Variants in ZMYM6 observed in about 807,000 individuals in gnomAD.
ZMYM6 encodes zinc finger MYM-type containing 6, also known as zinc finger MYM-type protein 6.
In ZMYM6, 90 loss-of-function variants were observed where a neutral mutation model predicts 134.0. The observed-to-expected ratio is 0.67, with a 90% CI of 0.57 to 0.80. The LOEUF (loss-of-function observed/expected upper bound fraction) is 0.80, where lower values mean the gene tolerates loss of function less well. ZMYM6 is among the 30% of genes least tolerant of loss of function. ZMYM6 has a pLI of 0.00. For synonymous variants in ZMYM6, 481 were observed against 524.1 expected, an observed-to-expected ratio of 0.92 and a Z score of 1.12; for missense variants, 1,362 against 1,533.9, an observed-to-expected ratio of 0.89 and a Z score of 1.87.
intron 12 of ZMYM6, among the ~76,000 whole-genome samples, chr1:35,006,474 T>C (rs778774627): frequency 7.9e-5 from 12 of 152,222 alleles, no homozygotes; most frequent in Admixed American, 5.2e-4. Context: ...CATGAAGAAC[T>C]GTTCCATTTT....
At chr1:35,005,888 C>G (rs1276950068) in intron 12 of ZMYM6, among the ~76,000 whole-genome samples, 6 of 152,170 alleles carry the variant, frequency 3.9e-5, no homozygotes, top group African/African-American at 1.4e-4. Context: ...TAGCACAAGG[C>G]ATTTATAATT....
Position 35,019,565 on chromosome 1 carries a change from T to G in ZMYM6, c.216A>C (p.Ala72=). Residue 72 remains alanine (A), a synonymous_variant, in exon 4 of 16, where the codon GCA becomes GCC. Coordinates refer to ENST00000357182, the MANE Select transcript of ZMYM6 (RefSeq NM_007167.4). The part of the protein sequence containing the change: ...QLNPGFQLSF[A]SSGPSVLLPS... ...GAAGCAACACACTTGGGCCAGATGA[T>G]GCAAAAGAAAGCTGAAAGCCTGGGT... The G allele has an allele frequency of 1.2e-6, 2 of 1,603,850 alleles. No homozygotes were observed. The highest frequency in any genetic ancestry group is 1.7e-6 in the Non-Finnish European group (2 of 1,177,590).
At chr1:35,016,914 A>T (rs1369094547) in intron 4 of ZMYM6, among the ~76,000 whole-genome samples, 1 of 150,774 alleles carries the variant, frequency 6.6e-6, no homozygotes. Flanking sequence ...CTGAGGTGGG[A>T]GGATTGCTTG....
chr1:34,987,970 T>C lies in ZMYM6; in HGVS notation c.3112A>G (p.Ser1038Gly), dbSNP rs1640602846. ...TTTAATGCATTGCTCTTTATAAAAC[T>C]TAAAATTTGTGCTGACTGCAAAAGA... ...KILLQSAQIL[S>G]FIKSNALNSR... Residue 1038 changes from serine (S) to glycine (G), a missense_variant, in exon 16 of 16, where the codon AGT becomes GGT. Physicochemically the swap from Ser to Gly is moderately conservative, Grantham distance 56 (BLOSUM62 0). Around this residue, in one of 3 missense-constraint regions of ZMYM6, gnomAD observed 824 missense variants for 940.9 expected, o/e 0.88. Transcript: ENST00000357182. The C allele has an allele frequency of 1.9e-6, 3 of 1,551,512 alleles. No homozygotes were observed. Among genetic ancestry groups the C allele is most frequent in the Non-Finnish European group, 2.6e-6 (3 of 1,146,934 alleles).
intron 15 of ZMYM6, chr1:34,990,257 C>T (rs1205902576): frequency 1.1e-5 from 3 of 265,860 alleles, no homozygotes; most frequent in Admixed American, 5.9e-5. Context: ...GAGGCGGGCA[C>T]ATCATGAGGT....
At position 35,012,426 on chromosome 1, in the gene ZMYM6, A is replaced by G; in HGVS notation, c.946+5T>C. On this transcript the variant is annotated splice_donor_5th_base_variant and intron_variant, in intron 7 of 15. Transcript: ENST00000357182. ...ATCTATAAATTTATCAAATTTAAAC[A>G]TTACCTGAAGAAGTAACAGTCTTAA... 1 of 1,514,254 alleles carries G rather than the reference A, an allele frequency of 6.6e-7. No individual in the cohort carries two copies. Among genetic ancestry groups the G allele is most frequent in the East Asian group, 2.4e-5 (1 of 42,026 alleles). 93.8% of individuals were successfully genotyped at this position (1,514,254 alleles called of 1,614,324 possible).
rs200029753 is a variant in ZMYM6, at chr1:35,028,317, C to CAA, written c.93+2228_93+2229dup. On this transcript the variant is annotated intron_variant, in intron 2 of 15. Transcript: ENST00000357182. ...GGAGTGACAGAGCAAGACTCCATCT[C>CAA]AAAAAAAAAAAAGGAATGATACTGC... Among the ~76,000 whole-genome samples the CAA allele has an allele frequency of 1.0e-3, 110 of 107,060 alleles. 1 individual carries two copies. Among genetic ancestry groups the CAA allele is most frequent in the South Asian group, 2.8e-3 (10 of 3,580 alleles). The allele number at this position is 107,060 out of a possible 152,430, so 70.2% of individuals were successfully genotyped here. A position where few individuals can be genotyped will look rare whatever the true frequency, so the allele number is the denominator to read the frequency against.
At chr1:35,014,473 T>G (rs1641146249) in intron 6 of ZMYM6, among the ~76,000 whole-genome samples, 1 of 152,138 alleles carries the variant, frequency 6.6e-6, no homozygotes, top group African/African-American at 2.4e-5. Flanking sequence ...ATTTGTAAAT[T>G]CTTAGCTATG....
At chr1:35,030,319 C>T (rs1489359365) in intron 2 of ZMYM6, 2 of 496,434 alleles carry the variant, frequency 4.0e-6, no homozygotes, top group Non-Finnish European at 7.0e-6. Flanking sequence ...GTGGTCCCAG[C>T]TACACAGGAG....
Position 34,992,747 on chromosome 1 carries a change from T to A in ZMYM6, c.1993-360A>T, listed in dbSNP as rs994670697. Among the ~76,000 whole-genome samples the A allele has an allele frequency of 9.2e-4, 128 of 139,706 alleles. 5 individuals carry two copies. The highest frequency in any genetic ancestry group is 3.2e-3 in the African/African-American group (113 of 35,774). The allele number at this position is 139,706 out of a possible 152,430, so 91.7% of individuals were successfully genotyped here. A position where few individuals can be genotyped will look rare whatever the true frequency, so the allele number is the denominator to read the frequency against. ...TAAAAATATACTTATAAACTATAAA[T>A]ATAAAAATATACTTATAAACTATAA... is the stretch of plus-strand genomic sequence containing the variant. On this transcript the variant is annotated intron_variant, in intron 14 of 15. Transcript: ENST00000357182.
Position 34,987,863 on chromosome 1 carries a change from T to C in ZMYM6, c.3219A>G (p.Ile1073Met), listed in dbSNP as rs1640601433. The C allele has an allele frequency of 6.4e-7, 1 of 1,551,314 alleles. No homozygotes were observed. Among genetic ancestry groups the C allele is most frequent in the Non-Finnish European group, 8.7e-7 (1 of 1,146,910 alleles). Residue 1073 changes from isoleucine (I) to methionine (M), a missense_variant, in exon 16 of 16, where the codon ATA becomes ATG. Physicochemically the swap from Ile to Met is conservative, Grantham distance 10. Transcript: ENST00000357182. Reference sequence around the variant, plus strand: ...ATCTTTTTAACATTCTCCCTCTTGATATCCAACGTACTTCAGCATGAAGCG... The same window carrying C: ...ATCTTTTTAACATTCTCCCTCTTGACATCCAACGTACTTCAGCATGAAGCG... ...SLPLHAEVRW[I>M]SRGRMLKRLF...
At chr1:34,988,969 A>G in intron 15 of ZMYM6, 34 bp from the exon 16 acceptor site, 1 of 1,588,800 alleles carries the variant, frequency 6.3e-7, no homozygotes, top group Non-Finnish European at 8.5e-7. Flanking sequence ...GTTATTTTCA[A>G]GAACAAATAA....
chr1:35,007,365 C>T (rs1456139551), intron 11 of ZMYM6, among the ~76,000 whole-genome samples: 3 of 151,802 alleles, frequency 2.0e-5, no homozygotes, highest in Non-Finnish European at 2.9e-5. Context: ...CCGAGGTGGG[C>T]GGATCATGAG....
intron 2 of ZMYM6, among the ~76,000 whole-genome samples, chr1:35,028,310 T>C (rs1375342853): frequency 7.1e-5 from 10 of 141,752 alleles, no homozygotes; most frequent in Non-Finnish European, 1.2e-4. Flanking sequence ...AGAGCAAGAC[T>C]CCATCTCAAA....
chr1:35,027,028 C>G (rs1224561616), intron 2 of ZMYM6, among the ~76,000 whole-genome samples: 1 of 152,030 alleles, frequency 6.6e-6, no homozygotes, highest in Non-Finnish European at 1.5e-5. Context: ...AGAGAGAGAA[C>G]AGCTCATTCT....
At chr1:34,989,800 T>G in intron 15 of ZMYM6, 1 of 152,458 alleles carries the variant, frequency 6.6e-6, no homozygotes, top group Non-Finnish European at 1.5e-5. Flanking sequence ...CTTGAGAGGC[T>G]GAGGCAGGAG....
intron 14 of ZMYM6, among the ~76,000 whole-genome samples, chr1:34,993,840 C>A (rs893706055): frequency 1.3e-5 from 2 of 151,980 alleles, no homozygotes; most frequent in African/African-American, 4.8e-5. Flanking sequence ...CCCGCCACCA[C>A]GCCCGGCTAA....
chr1:35,005,004 G>A (rs1640941137), intron 13 of ZMYM6, 128 bp downstream of exon 13: 2 of 1,092,332 alleles, frequency 1.8e-6, no homozygotes, highest in Non-Finnish European at 2.6e-6. Context: ...GTTGCAGTGA[G>A]TTGAGATCAC....
chr1:35,014,725 C>T lies in ZMYM6; in HGVS notation c.767G>A (p.Ser256Asn). ...CTTGTATGCCGTGACACTTGTTGAA[C>T]TAAAAACCTTCTGGGATTGGCAAGG... is the stretch of plus-strand genomic sequence containing the variant. ...SGPCQSQKVF[S>N]STSVTAYKQN... Residue 256 changes from serine (S) to asparagine (N), a missense_variant, in exon 6 of 16, where the codon AGT becomes AAT. Around this residue, in one of 3 missense-constraint regions of ZMYM6, gnomAD observed 503 missense variants for 520.8 expected, o/e 0.97. Transcript: ENST00000357182. 6.2e-7 allele frequency: 1 copy of T among 1,613,982 alleles called. No homozygotes were observed. Among genetic ancestry groups the T allele is most frequent in the Non-Finnish European group, 8.5e-7 (1 of 1,179,960 alleles).
Sources: allele counts gnomAD v4.1 joint callset (sites outside exome capture counted in the v4.1 genomes callset), GRCh38; gene constraint gnomAD v4.1.1; regional missense constraint gnomAD v4.1.1; transcripts MANE v1.5; gene names NCBI Gene and HGNC (gene_info 2026-07-23, HGNC 2026-07-21).